Variants in ARHGAP24 observed in about 807,000 individuals in gnomAD.
ARHGAP24 encodes the protein Rho GTPase activating protein 24.
ARHGAP24 carries 50 observed loss-of-function variants against 76.4 expected under a neutral mutation model. That is an observed-to-expected ratio of 0.65 (90% CI 0.52 to 0.83). The LOEUF is 0.83. Ranked by LOEUF, ARHGAP24 falls within the 40% of genes least tolerant of loss-of-function variation. The pLI is 0.00. For missense variants in ARHGAP24, 930 were observed against 914.2 expected (o/e 1.02, Z -0.22); for synonymous variants, 345 against 323.3 (o/e 1.07, Z -0.72).
At chr4:85,634,085 C>T (rs1335587959) in intron 2 of ARHGAP24, among the ~76,000 whole-genome samples, 2 of 151,810 alleles carry the variant, frequency 1.3e-5, no homozygotes, top group Non-Finnish European at 2.9e-5. Context: ...AATTAGCAGT[C>T]TCATTCAACT....
At position 85,995,624 on chromosome 4, in the gene ARHGAP24, A is replaced by G; in HGVS notation, c.1970A>G (p.Lys657Arg). The change falls in exon 9 of 10, where the codon AAA becomes AGA. Residue 657 changes from lysine (K) to arginine (R), a missense_variant. Lys to Arg is a conservative substitution (Grantham distance 26). Coordinates refer to ENST00000395184, the MANE Select transcript of ARHGAP24 (RefSeq NM_001025616.3). Reference protein sequence around the residue: ...LVSSLKQEMTKQKIEYESRIK... With the variant: ...LVSSLKQEMTRQKIEYESRIK... ...TCCAGCCTGAAACAGGAAATGACCA[A>G]ACAGAAGATAGAGTATGAGTCCAGG... 1 of 1,613,962 alleles carries G rather than the reference A, an allele frequency of 6.2e-7. No individual in the cohort carries two copies. The highest frequency in any genetic ancestry group is 8.5e-7 in the Non-Finnish European group (1 of 1,179,966).
intron 3 of ARHGAP24, among the ~76,000 whole-genome samples, chr4:85,751,997 C>T (rs1457884250): frequency 6.6e-6 from 1 of 152,234 alleles, no homozygotes; most frequent in Non-Finnish European, 1.5e-5. Context: ...CTCTCCCTTC[C>T]TCCCTTGCTG....
intron 3 of ARHGAP24, among the ~76,000 whole-genome samples, chr4:85,784,484 G>A (rs1025410012): frequency 1.3e-5 from 2 of 151,978 alleles, no homozygotes; most frequent in Non-Finnish European, 2.9e-5. Flanking sequence ...TCCACCCTTT[G>A]TGCGAGTTGT....
intron 1 of ARHGAP24, among the ~76,000 whole-genome samples, chr4:85,487,381 A>G (rs1324481390): frequency 7.8e-5 from 9 of 114,658 alleles, no homozygotes; most frequent in Non-Finnish European, 1.3e-4. Flanking sequence ...ATATATTTAT[A>G]TATATTATAT....
chr4:85,978,049 T>A (rs1170894410), intron 8 of ARHGAP24, among the ~76,000 whole-genome samples: 5 of 152,250 alleles, frequency 3.3e-5, no homozygotes, highest in African/African-American at 1.2e-4. Context: ...ATATACATTT[T>A]TATTAATTTT....
intron 3 of ARHGAP24, 134 bp from the exon 4 acceptor site, chr4:85,923,514 A>G: frequency 7.8e-7 from 1 of 1,279,910 alleles, no homozygotes; most frequent in South Asian, 1.3e-5. Flanking sequence ...AAACCATGGT[A>G]AATATTTCAT....
chr4:85,870,562 CAT>C (rs1371969602), intron 3 of ARHGAP24, among the ~76,000 whole-genome samples: 2 of 152,068 alleles, frequency 1.3e-5, no homozygotes, highest in Admixed American at 1.3e-4. Context: ...CATTAAATTC[CAT>C]TAGTTAGTGG....
intron 4 of ARHGAP24, among the ~76,000 whole-genome samples, chr4:85,927,524 T>G (rs947098216): frequency 2.0e-5 from 3 of 152,156 alleles, no homozygotes; most frequent in Non-Finnish European, 4.4e-5. Flanking sequence ...GTTTAAAAAA[T>G]TCTGAATTGT....
chr4:85,631,654 C>T (rs958150157), intron 2 of ARHGAP24, among the ~76,000 whole-genome samples: 6 of 152,032 alleles, frequency 3.9e-5, no homozygotes, highest in African/African-American at 1.4e-4. Flanking sequence ...TATTCTTTCT[C>T]ATGTGACAAA....
At chr4:85,948,597 A>G (rs1470010704) in intron 5 of ARHGAP24, among the ~76,000 whole-genome samples, 1 of 152,206 alleles carries the variant, frequency 6.6e-6, no homozygotes, top group Non-Finnish European at 1.5e-5. Context: ...GCTGACAATA[A>G]AATATTGTCC....
At chr4:85,735,236 G>A (rs1442596269) in intron 3 of ARHGAP24, among the ~76,000 whole-genome samples, 3 of 152,036 alleles carry the variant, frequency 2.0e-5, no homozygotes, top group Non-Finnish European at 2.9e-5. Flanking sequence ...ATGAACATAC[G>A]ATCATGCTAT....
At chr4:85,715,404 T>A (rs1368145273) in intron 2 of ARHGAP24, among the ~76,000 whole-genome samples, 1 of 152,116 alleles carries the variant, frequency 6.6e-6, no homozygotes, top group African/African-American at 2.4e-5. Flanking sequence ...ATTAGATTTT[T>A]AAATATTAAA....
At chr4:85,991,384 A>C (rs1740309275) in intron 8 of ARHGAP24, 1 of 152,128 alleles carries the variant, frequency 6.6e-6, no homozygotes. Flanking sequence ...AAGAAAACAT[A>C]TGTTCACCCA....
intron 4 of ARHGAP24, among the ~76,000 whole-genome samples, chr4:85,931,702 G>C (rs1033809752): frequency 6.6e-6 from 1 of 152,108 alleles, no homozygotes; most frequent in Non-Finnish European, 1.5e-5. Context: ...TTTCTGAATT[G>C]ACTTATTTGG....
chr4:85,953,396 A>G (rs1168647692), intron 5 of ARHGAP24, among the ~76,000 whole-genome samples: 1 of 152,212 alleles, frequency 6.6e-6, no homozygotes, highest in Non-Finnish European at 1.5e-5. Flanking sequence ...GAAAAGCCAG[A>G]CATATTTTAA....
chr4:85,839,802 G>A (rs142151397), intron 3 of ARHGAP24, among the ~76,000 whole-genome samples: 35 of 150,494 alleles, frequency 2.3e-4, no homozygotes, highest in Middle Eastern at 7.0e-3. Context: ...GCTTTTTACT[G>A]GAGTTAACTT....
chr4:85,983,186 T>G (rs1020141598), intron 8 of ARHGAP24, among the ~76,000 whole-genome samples: 3 of 152,328 alleles, frequency 2.0e-5, no homozygotes, highest in African/African-American at 7.2e-5. Context: ...TGATGGACAT[T>G]TGGGTTGATT....
intron 5 of ARHGAP24, among the ~76,000 whole-genome samples, chr4:85,943,179 A>G (rs1357626495): frequency 1.3e-5 from 2 of 152,196 alleles, no homozygotes; most frequent in African/African-American, 2.4e-5. Context: ...ATTACTTAGG[A>G]TAAATTCTCA....
chr4:85,515,004 G>A (rs903898184), intron 1 of ARHGAP24, among the ~76,000 whole-genome samples: 11 of 151,888 alleles, frequency 7.2e-5, no homozygotes, highest in South Asian at 2.1e-4. Flanking sequence ...CTTACGGAGC[G>A]GGGGACTGCC....
Sources: gnomAD v4.1 joint callset for allele counts (sites outside exome capture counted in the v4.1 genomes callset) on GRCh38, gnomAD v4.1.1 for gene constraint, MANE v1.5 for transcripts, NCBI Gene and HGNC (gene_info 2026-07-23, HGNC 2026-07-21) for gene names.